The following GPC6 variants were observed in gnomAD, a reference collection of about 807,000 sequenced individuals.
GPC6 encodes glypican-6.
GPC6 carries 14 observed loss-of-function variants against 55.2 expected under a neutral mutation model. The ratio of observed to expected loss-of-function variants is 0.25; its 90% CI spans 0.17 to 0.40. The LOEUF is 0.40. GPC6 is among the 10% of genes least tolerant of loss of function. GPC6 has a pLI of 1.00. For synonymous variants in GPC6, 278 were observed against 259.6 expected (o/e 1.07, Z -0.68); for missense variants, 641 against 708.5 (o/e 0.90, Z 1.08).
intron 1 of GPC6, among the ~76,000 whole-genome samples, chr13:93,307,762 C>G (rs1878908327): frequency 6.6e-6 from 1 of 151,980 alleles, no homozygotes; most frequent in Non-Finnish European, 1.5e-5. Flanking sequence ...CTTTTGAGAT[C>G]TATTGTAAAA....
At chr13:94,004,838 C>T (rs1881946656) in intron 3 of GPC6, among the ~76,000 whole-genome samples, 1 of 152,068 alleles carries the variant, frequency 6.6e-6, no homozygotes, top group Non-Finnish European at 1.5e-5. Flanking sequence ...AGGCAGGTCA[C>T]CTGAAGTCAG....
chr13:94,028,517 A>T (rs371616788), intron 4 of GPC6, among the ~76,000 whole-genome samples: 26 of 151,880 alleles, frequency 1.7e-4, no homozygotes, highest in East Asian at 1.5e-3. Context: ...TGTAAAAAAA[A>T]AAAAGTCCAC....
At chr13:93,627,587 T>C (rs1879255080) in intron 2 of GPC6, among the ~76,000 whole-genome samples, 2 of 152,208 alleles carry the variant, frequency 1.3e-5, no homozygotes, top group South Asian at 2.1e-4. Flanking sequence ...TGACCACTTC[T>C]ATAAGTACGC....
At chr13:93,515,659 C>T (rs546569357) in intron 1 of GPC6, among the ~76,000 whole-genome samples, 1 of 152,186 alleles carries the variant, frequency 6.6e-6, no homozygotes, top group African/African-American at 2.4e-5. Context: ...ATTCCAAAGG[C>T]AAAATAAATA....
At chr13:93,543,414 G>A (rs1882409132) in intron 1 of GPC6, among the ~76,000 whole-genome samples, 1 of 151,902 alleles carries the variant, frequency 6.6e-6, no homozygotes, top group Non-Finnish European at 1.5e-5. Context: ...TGTGCTGCTG[G>A]ATTCGGTTTG....
At position 93,358,012 on chromosome 13, in the gene GPC6, C is replaced by G. The variant is rs942717755; in HGVS notation, c.160+130396C>G. Among the ~76,000 whole-genome samples, 4 of 151,980 alleles carry G rather than the reference C, an allele frequency of 2.6e-5. No individual in the cohort carries two copies. The East Asian group carries it at 7.8e-4, about 30-fold the overall frequency. On this transcript the variant is annotated intron_variant, in intron 1 of 8. Coordinates refer to ENST00000377047, the MANE Select transcript of GPC6 (RefSeq NM_005708.5). Reference sequence around the variant, plus strand: ...ATGGGATATGGCATAATTGAACATTCTTTTTCTTAGAAAGGAATCCATGCT... The same window carrying G: ...ATGGGATATGGCATAATTGAACATTGTTTTTCTTAGAAAGGAATCCATGCT...
intron 1 of GPC6, among the ~76,000 whole-genome samples, chr13:93,407,301 A>G (rs2139240150): frequency 6.6e-6 from 1 of 152,246 alleles, no homozygotes; most frequent in Non-Finnish European, 1.5e-5. Flanking sequence ...TATGGCAAAA[A>G]TATTAATTGA....
At chr13:93,980,131 T>C (rs1880727683) in intron 3 of GPC6, among the ~76,000 whole-genome samples, 1 of 152,204 alleles carries the variant, frequency 6.6e-6, no homozygotes, top group South Asian at 2.1e-4. Flanking sequence ...AACACTTCCA[T>C]AAAATCCACC....
At chr13:94,089,894 G>T (rs1885420413) in intron 4 of GPC6, among the ~76,000 whole-genome samples, 1 of 151,946 alleles carries the variant, frequency 6.6e-6, no homozygotes, top group East Asian at 1.9e-4. Flanking sequence ...TGACTGTGTT[G>T]AAAAAAATAG....
At chr13:93,774,237 C>T (rs1016028792) in intron 2 of GPC6, among the ~76,000 whole-genome samples, 6 of 152,096 alleles carry the variant, frequency 3.9e-5, no homozygotes, top group Non-Finnish European at 8.8e-5. Flanking sequence ...AGAACTGGAA[C>T]ATTCAATGGA....
chr13:93,953,153 C>T (rs1488154446), intron 3 of GPC6, among the ~76,000 whole-genome samples: 1 of 151,942 alleles, frequency 6.6e-6, no homozygotes, highest in Non-Finnish European at 1.5e-5. Context: ...TTTTGATTCT[C>T]AGAACTTTTG....
intron 4 of GPC6, among the ~76,000 whole-genome samples, chr13:94,225,546 G>A (rs990975643): frequency 2.6e-5 from 4 of 151,870 alleles, no homozygotes; most frequent in South Asian, 2.1e-4. Flanking sequence ...TGAAATCCAC[G>A]CAGTGTTTAA....
intron 4 of GPC6, among the ~76,000 whole-genome samples, chr13:94,051,855 TA>T (rs1448142173): frequency 1.3e-5 from 2 of 152,206 alleles, no homozygotes; most frequent in Non-Finnish European, 2.9e-5. Context: ...TTAGAAATTT[TA>T]AGAACATTTA....
intron 6 of GPC6, 184 bp downstream of exon 6, chr13:94,306,307 TTTAAGAAATCTATTAATCCA>T (rs1262372522): frequency 1.4e-6 from 1 of 708,914 alleles, no homozygotes; most frequent in South Asian, 1.5e-5. Flanking sequence ...TATTGGATTA[TTTAAGAAATCTATTAATCCA>T]TTAAGAAACT....
intron 2 of GPC6, among the ~76,000 whole-genome samples, chr13:93,668,277 A>T (rs761557696): frequency 8.5e-5 from 13 of 152,174 alleles, no homozygotes; most frequent in Non-Finnish European, 1.5e-4. Flanking sequence ...TCCCTTCCTT[A>T]TTAAAATAGC....
intron 1 of GPC6, among the ~76,000 whole-genome samples, chr13:93,401,155 CGTGTGT>C (rs5805802): frequency 0.045 from 6,418 of 143,478 alleles, 328 homozygotes; most frequent in African/African-American, 0.13. Flanking sequence ...AGGTATTTGT[CGTGTGT>C]GTGTGTGTGT....
intron 4 of GPC6, among the ~76,000 whole-genome samples, chr13:94,103,111 C>T (rs1358585031): frequency 6.6e-6 from 1 of 152,096 alleles, no homozygotes; most frequent in Non-Finnish European, 1.5e-5. Context: ...TGTTCAATTC[C>T]CACCTATGAG....
chr13:93,382,876 T>C (rs1340498598), intron 1 of GPC6, among the ~76,000 whole-genome samples: 1 of 152,190 alleles, frequency 6.6e-6, no homozygotes, highest in Non-Finnish European at 1.5e-5. Context: ...TTTTCTTCAT[T>C]CTCTTGTCCT....
At chr13:93,494,382 C>A (rs1163695566) in intron 1 of GPC6, among the ~76,000 whole-genome samples, 144 of 148,136 alleles carry the variant, frequency 9.7e-4, no homozygotes, top group Non-Finnish European at 1.7e-3. Flanking sequence ...CTTGGTAGAT[C>A]TTCCTCCATC....
Sources: gnomAD v4.1 joint callset for allele counts (sites outside exome capture counted in the v4.1 genomes callset) on GRCh38, gnomAD v4.1.1 for gene constraint, MANE v1.5 for transcripts, NCBI Gene and HGNC (gene_info 2026-07-23, HGNC 2026-07-21) for gene names.